SPATA13: variants seen among roughly 807,000 people sequenced by gnomAD.
SPATA13 encodes spermatogenesis associated 13.
Under a neutral mutation model 104.0 loss-of-function variants are expected in SPATA13, and 50 were observed. That is an observed-to-expected ratio of 0.48 (90% CI 0.38 to 0.61). The LOEUF is 0.61. SPATA13 is among the 20% of genes least tolerant of loss of function. SPATA13 has a pLI of 0.00. For synonymous variants in SPATA13, 606 were observed against 667.5 expected (o/e 0.91, Z 1.42); for missense variants, 1,524 against 1,690.6 (o/e 0.90, Z 1.73).
chr13:24,102,018 A>G (rs1880272316), intron 3 of SPATA13, among the ~76,000 whole-genome samples: 1 of 152,176 alleles, frequency 6.6e-6, no homozygotes, highest in Non-Finnish European at 1.5e-5. Flanking sequence ...TTGTTGGATC[A>G]TATGGTGATT....
intron 1 of SPATA13, among the ~76,000 whole-genome samples, chr13:24,218,075 C>T (rs1044582344): frequency 1.1e-4 from 16 of 152,172 alleles, no homozygotes; most frequent in African/African-American, 3.1e-4. Context: ...GAGGGAAAGG[C>T]GTCCTGTATT....
At chr13:24,160,631 A>G (rs557919075), upstream of SPATA13, 1,245 of 773,710 alleles carry the variant, frequency 1.6e-3, 2 homozygotes, top group Middle Eastern at 4.5e-3. Context: ...GAGTGAGCTA[A>G]CCGGGGGCGT....
At chr13:24,251,895 G>A in intron 4 of SPATA13, 33 bp downstream of exon 4, 1 of 1,598,240 alleles carries the variant, frequency 6.3e-7, no homozygotes, top group Non-Finnish European at 8.5e-7. Flanking sequence ...TTTCAGAGCT[G>A]CTATGGGCCC....
At chr13:24,217,615 T>A (rs1871327483) in intron 1 of SPATA13, among the ~76,000 whole-genome samples, 1 of 152,158 alleles carries the variant, frequency 6.6e-6, no homozygotes, top group Admixed American at 6.5e-5. Context: ...AGAGAACTGT[T>A]TCTAGGTATT....
chr13:23,998,063 CTT>C, intron 2 of SPATA13, among the ~76,000 whole-genome samples: 1 of 152,290 alleles, frequency 6.6e-6, no homozygotes, highest in South Asian at 2.1e-4. Context: ...CAAATGTACT[CTT>C]TTCTTCCAGG....
At chr13:24,091,459 C>T (rs180748826) in intron 3 of SPATA13, among the ~76,000 whole-genome samples, 45 of 152,304 alleles carry the variant, frequency 3.0e-4, no homozygotes, top group African/African-American at 9.1e-4. Context: ...CTTTGAGATA[C>T]GGCTGTTAGA....
At chr13:24,180,584 A>G (rs2760358) in intron 1 of SPATA13, among the ~76,000 whole-genome samples, 14,452 of 152,218 alleles carry the variant, frequency 0.095, 2,233 homozygotes, top group African/African-American at 0.33. Flanking sequence ...TTTGGGATGC[A>G]TTGCCATTTT....
chr13:24,137,700 A>G (rs9511081), intron 3 of SPATA13, among the ~76,000 whole-genome samples: 70,679 of 151,988 alleles, frequency 0.47, 17,644 homozygotes, highest in South Asian at 0.58. Context: ...CGGAGGTTGC[A>G]GTGAGCCAAG....
chr13:24,028,956 T>A (rs1039727323), intron 3 of SPATA13, among the ~76,000 whole-genome samples: 1 of 148,108 alleles, frequency 6.8e-6, no homozygotes, highest in African/African-American at 2.5e-5. Flanking sequence ...CTAATAATTT[T>A]ACTTCCTAAA....
Position 24,001,001 on chromosome 13 carries a change from T to A in SPATA13, c.-146-16666T>A, listed in dbSNP as rs559347576. Among the ~76,000 whole-genome samples the A allele has an allele frequency of 5.9e-5, 9 of 152,256 alleles. No homozygotes were observed. In the South Asian group the frequency reaches 1.9e-3, roughly 32 times the overall value. On this transcript the variant is annotated intron_variant, in intron 2 of 14. Coordinates refer to the SPATA13 transcript ENST00000424834. ...CCACTGTTTTTCAGCTTCTCCCCACTCCGAGTTCTTGGCTGCTGTGCTCTG... is the reference window on the plus strand; with the variant it reads ...CCACTGTTTTTCAGCTTCTCCCCACACCGAGTTCTTGGCTGCTGTGCTCTG...
intron 2 of SPATA13, among the ~76,000 whole-genome samples, chr13:23,990,454 T>C (rs1271409337): frequency 1.3e-5 from 2 of 152,154 alleles, no homozygotes; most frequent in African/African-American, 4.8e-5. Flanking sequence ...TTCCTTAAAC[T>C]CAGGGTGCTC....
chr13:24,130,574 C>T (rs1187710619), intron 3 of SPATA13, among the ~76,000 whole-genome samples: 1 of 152,212 alleles, frequency 6.6e-6, no homozygotes, highest in African/African-American at 2.4e-5. Flanking sequence ...AGGCGTTTAT[C>T]AGACAAGATC....
chr13:24,219,778 G>A (rs1045986060), intron 1 of SPATA13, among the ~76,000 whole-genome samples: 5 of 152,222 alleles, frequency 3.3e-5, no homozygotes, highest in African/African-American at 1.2e-4. Flanking sequence ...GAATGATGAG[G>A]TATTAGATTA....
intron 3 of SPATA13, among the ~76,000 whole-genome samples, chr13:24,137,930 G>A (rs957222539): frequency 6.6e-6 from 1 of 152,164 alleles, no homozygotes; most frequent in African/African-American, 2.4e-5. Context: ...GATGTTTGAT[G>A]ACTGGTTGTT....
chr13:24,064,650 GC>G lies in SPATA13; in HGVS notation c.-112+46951del, dbSNP rs552572253. 7.6e-4 allele frequency among the ~76,000 whole-genome samples: 115 copies of G among 152,282 alleles called. 1 individual carries two copies. The highest frequency in any genetic ancestry group is 2.7e-3 in the African/African-American group (114 of 41,556). On this transcript the variant is annotated intron_variant, in intron 3 of 14. Coordinates refer to the SPATA13 transcript ENST00000424834. ...CTTCTGGTACTTTGACCTTGGATTT[GC>G]CAGCTTGCAGAATTGTGAAAGACAA...
chr13:24,188,111 C>T (rs765564020), intron 1 of SPATA13, among the ~76,000 whole-genome samples: 1 of 150,890 alleles, frequency 6.6e-6, no homozygotes, highest in South Asian at 2.1e-4. Context: ...GAGGCCAAGG[C>T]GGGCAGATTG....
intron 1 of SPATA13, among the ~76,000 whole-genome samples, chr13:24,208,948 A>G (rs1051637951): frequency 1.7e-4 from 26 of 152,214 alleles, no homozygotes; most frequent in African/African-American, 6.3e-4. Flanking sequence ...AACTGGGTGG[A>G]AAACACAAAG....
At chr13:24,116,779 C>CA (rs1181085557) in intron 3 of SPATA13, among the ~76,000 whole-genome samples, 2 of 151,374 alleles carry the variant, frequency 1.3e-5, no homozygotes, top group Admixed American at 6.6e-5. Context: ...GCCCCCCCCC[C>CA]CCAATGTGCT....
At chr13:24,155,414 C>A (rs771938661) in intron 3 of SPATA13, among the ~76,000 whole-genome samples, 1 of 152,016 alleles carries the variant, frequency 6.6e-6, no homozygotes, top group African/African-American at 2.4e-5. Context: ...TCAGGAGTTA[C>A]TCAATTAAAT....
Sources: gnomAD v4.1 joint callset for allele counts (sites outside exome capture counted in the v4.1 genomes callset) on GRCh38, gnomAD v4.1.1 for gene constraint, MANE v1.5 for transcripts, NCBI Gene and HGNC (gene_info 2026-07-23, HGNC 2026-07-21) for gene names.